Variants in ASB7 observed in about 807,000 individuals in gnomAD.
The protein encoded by ASB7 is ankyrin repeat and SOCS box protein 7.
Under a neutral mutation model 32.5 loss-of-function variants are expected in ASB7, and 4 were observed. That is an observed-to-expected ratio of 0.12 (90% CI 0.06 to 0.28). The LOEUF is 0.28. Among genes scored for constraint, ASB7 ranks in the 10% least tolerant of loss-of-function variants. The pLI is 1.00. For missense variants in ASB7, 181 were observed against 407.1 expected, an observed-to-expected ratio of 0.44 and a Z score of 4.78; for synonymous variants, 172 against 155.6, an observed-to-expected ratio of 1.11 and a Z score of -0.78.
chr15:100,613,403 TG>T (rs1234624248), intron 4 of ASB7, among the ~76,000 whole-genome samples: 1 of 152,262 alleles, frequency 6.6e-6, no homozygotes, highest in Non-Finnish European at 1.5e-5. Context: ...TTGCAAGGCA[TG>T]CTAACACTGA....
At chr15:100,615,914 A>C (rs552581602) in intron 4 of ASB7, among the ~76,000 whole-genome samples, 1 of 152,352 alleles carries the variant, frequency 6.6e-6, no homozygotes, top group African/African-American at 2.4e-5. Context: ...TTTTTCTGCT[A>C]CTAGAAACAT....
At chr15:100,648,089 C>T (rs566986760) in intron 5 of ASB7, among the ~76,000 whole-genome samples, 81 of 152,312 alleles carry the variant, frequency 5.3e-4, no homozygotes, top group African/African-American at 1.9e-3. Flanking sequence ...ATCTGATACT[C>T]AGTTTTCTTA....
At chr15:100,606,790 G>A (rs1010391988) in intron 2 of ASB7, among the ~76,000 whole-genome samples, 2 of 151,862 alleles carry the variant, frequency 1.3e-5, no homozygotes, top group Non-Finnish European at 2.9e-5. Flanking sequence ...TAAAATTTCT[G>A]AAGATCATAC....
intron 5 of ASB7, among the ~76,000 whole-genome samples, chr15:100,644,142 G>T (rs1167946543): frequency 6.6e-6 from 1 of 152,154 alleles, no homozygotes. Flanking sequence ...CAGCTACTCG[G>T]GAGGCTGAGG....
chr15:100,615,673 C>A (rs776013039), intron 4 of ASB7, among the ~76,000 whole-genome samples: 1 of 152,158 alleles, frequency 6.6e-6, no homozygotes, highest in East Asian at 1.9e-4. Flanking sequence ...TCTCTTTCAC[C>A]GGTTTCTTTT....
At chr15:100,622,381 T>A (rs1267343561) in intron 4 of ASB7, among the ~76,000 whole-genome samples, 3 of 152,116 alleles carry the variant, frequency 2.0e-5, no homozygotes, top group Non-Finnish European at 4.4e-5. Flanking sequence ...GACTCTTCTA[T>A]CCAAGGCAAT....
chr15:100,621,942 G>A (rs539996362), intron 4 of ASB7, among the ~76,000 whole-genome samples: 2 of 151,298 alleles, frequency 1.3e-5, no homozygotes, highest in South Asian at 2.1e-4. Flanking sequence ...GGAAATCCTA[G>A]CCAGAGCAGT....
chr15:100,629,430 A>T lies in ASB7; in HGVS notation c.212-7A>T, dbSNP rs1424066416. The T allele has an allele frequency of 6.3e-7, 1 of 1,598,554 alleles. No homozygotes were observed. The highest frequency in any genetic ancestry group is 1.7e-5 in the Admixed American group (1 of 58,980). ...TGCTAATACTTTCATTTTGGTTTTA[A>T]CTCCAGCTGATCCTACAGTTAAAGA... On this transcript the variant is annotated splice_polypyrimidine_tract_variant and splice_region_variant and intron_variant, in intron 4 of 5. Coordinates refer to ENST00000332783, the MANE Select transcript of ASB7 (RefSeq NM_198243.3). This position sits in a 1 kb window ranked among gnomAD's most constrained non-coding sequence, Gnocchi z 6.8.
chr15:100,632,087 G>A (rs146283393), intron 5 of ASB7, among the ~76,000 whole-genome samples: 66 of 152,340 alleles, frequency 4.3e-4, no homozygotes, highest in African/African-American at 1.5e-3. Context: ...CCCTAGCAGT[G>A]CTGTTGGACA....
At chr15:100,606,384 G>A (rs183073654) in intron 2 of ASB7, among the ~76,000 whole-genome samples, 4 of 152,262 alleles carry the variant, frequency 2.6e-5, no homozygotes, top group Non-Finnish European at 5.9e-5. Context: ...GAAATGTGTG[G>A]ACTTTTAATG....
At chr15:100,612,546 C>T (rs2039706350) in intron 4 of ASB7, 119 bp downstream of exon 4, 1 of 912,718 alleles carries the variant, frequency 1.1e-6, no homozygotes, top group Non-Finnish European at 1.7e-6. Flanking sequence ...ACATATTATT[C>T]TCTCTCCTTT....
intron 4 of ASB7, among the ~76,000 whole-genome samples, chr15:100,613,651 G>T (rs1377858135): frequency 1.3e-5 from 2 of 152,188 alleles, no homozygotes; most frequent in Non-Finnish European, 2.9e-5. Flanking sequence ...AAGTCAGAAC[G>T]GTTAAAATTC....
rs2039992930 is a variant in ASB7 at position 100,645,668 on chromosome 15, G to A, written c.818-2655G>A. The A allele has an allele frequency of 4.3e-6, 6 of 1,391,546 alleles. No homozygotes were observed. In the East Asian group the frequency reaches 1.4e-4, roughly 32 times the overall value. The allele number at this position is 1,391,546 out of a possible 1,614,324, so 86.2% of individuals were successfully genotyped here. On this transcript the variant is annotated intron_variant, in intron 5 of 5. Transcript: ENST00000332783. ...CTCCCAACCTGTATGTGAGGTTAGG[G>A]ACGGCAACACGAAAGAACCATCTTT...
At chr15:100,622,768 A>C (rs910281075) in intron 4 of ASB7, among the ~76,000 whole-genome samples, 4 of 152,202 alleles carry the variant, frequency 2.6e-5, no homozygotes, top group African/African-American at 4.8e-5. Context: ...CCTGTCTCTC[A>C]CCATATGCAA....
chr15:100,638,795 A>T (rs908450432), intron 5 of ASB7, among the ~76,000 whole-genome samples: 11 of 152,190 alleles, frequency 7.2e-5, no homozygotes, highest in African/African-American at 2.6e-4. Context: ...CCTAGGTTTT[A>T]AGGCCCGCAT....
At chr15:100,616,847 A>G (rs1447153309) in intron 4 of ASB7, among the ~76,000 whole-genome samples, 4 of 152,174 alleles carry the variant, frequency 2.6e-5, no homozygotes, top group Non-Finnish European at 5.9e-5. Context: ...CTCTGTATTT[A>G]GTGTAGTCCT....
Position 100,606,401 on chromosome 15 carries a change from A to G in ASB7, c.-174+3088A>G, listed in dbSNP as rs565937886. On this transcript the variant is annotated intron_variant, in intron 2 of 5. Coordinates refer to ENST00000332783, the MANE Select transcript of ASB7 (RefSeq NM_198243.3). ...AATGTGTGGACTTTTAATGATAATA[A>G]TATGCAAAAAGTCATTAATGTCTAA... 1.6e-3 allele frequency among the ~76,000 whole-genome samples: 237 copies of G among 152,336 alleles called. 1 individual carries two copies. The highest frequency in any genetic ancestry group is 2.4e-3 in the Non-Finnish European group (161 of 68,036).
At chr15:100,628,457 A>C (rs1011887072) in intron 4 of ASB7, among the ~76,000 whole-genome samples, 2 of 152,232 alleles carry the variant, frequency 1.3e-5, no homozygotes, top group Non-Finnish European at 2.9e-5. Flanking sequence ...GCCAAAAATT[A>C]AGGTGACTTT....
At chr15:100,632,703 C>T (rs564197714) in intron 5 of ASB7, among the ~76,000 whole-genome samples, 8 of 152,206 alleles carry the variant, frequency 5.3e-5, no homozygotes, top group Middle Eastern at 6.8e-3. Context: ...ACATGGTGGT[C>T]TTCATTCAGG....
Sources: gnomAD v4.1 joint callset for allele counts (sites outside exome capture counted in the v4.1 genomes callset) on GRCh38, gnomAD v4.1.1 for gene constraint, Gnocchi (gnomAD v3.1) non-coding constraint, MANE v1.5 for transcripts, NCBI Gene and HGNC (gene_info 2026-07-23, HGNC 2026-07-21) for gene names.